Variants in GREM2 observed in about 807,000 individuals in gnomAD.
The protein encoded by GREM2 is gremlin-2.
Under a neutral mutation model 14.2 loss-of-function variants are expected in GREM2, and 11 were observed. The observed-to-expected ratio is 0.78, with a 90% CI of 0.49 to 1.28. The LOEUF is 1.28. Among genes scored for constraint, GREM2 ranks in the 50% most tolerant of loss-of-function variants. The pLI is 0.00. For missense variants in GREM2, 210 were observed against 218.5 expected (o/e 0.96, Z 0.24); for synonymous variants, 98 against 97.6 (o/e 1.00, Z -0.02).
chr1:240,546,476 G>A (rs892105953), intron 1 of GREM2, among the ~76,000 whole-genome samples: 4 of 152,188 alleles, frequency 2.6e-5, no homozygotes, highest in African/African-American at 9.7e-5. Context: ...ACATGGGCAT[G>A]TCACTACAAG....
At chr1:240,611,760 T>G (rs1680141148) in intron 1 of GREM2, 124 bp downstream of exon 1, 1 of 152,566 alleles carries the variant, frequency 6.6e-6, no homozygotes, top group South Asian at 2.1e-4. Flanking sequence ...CGGCGAGACG[T>G]CCACTCAGGG....
chr1:240,589,872 G>C (rs1679672617), intron 1 of GREM2, among the ~76,000 whole-genome samples: 1 of 152,192 alleles, frequency 6.6e-6, no homozygotes. Flanking sequence ...GGAACAGGTG[G>C]CCTTTAAGCT....
chr1:240,608,295 G>A (rs373988846), intron 1 of GREM2, among the ~76,000 whole-genome samples: 16 of 152,322 alleles, frequency 1.1e-4, no homozygotes, highest in Admixed American at 2.6e-4. Context: ...AGTAAAGATC[G>A]TTTGAAATGC....
At position 240,543,719 on chromosome 1, in the gene GREM2, A is replaced by G. The variant is rs971225454; in HGVS notation, c.-1-50243T>C. On this transcript the variant is annotated intron_variant, in intron 1 of 1. Transcript: ENST00000318160. The surrounding 1 kb of genome is among the most constrained non-coding windows in gnomAD (Gnocchi z 6.4). ...AATATATCATCAAGGGCAACTTACT[A>G]TATTAAACCTACCTTGACATTGATC... Among the ~76,000 whole-genome samples, 1 of 152,358 alleles carries G rather than the reference A, an allele frequency of 6.6e-6. No individual in the cohort carries two copies. The highest frequency in any genetic ancestry group is 1.9e-4 in the East Asian group (1 of 5,186).
At chr1:240,568,238 G>A (rs1215827941) in intron 1 of GREM2, among the ~76,000 whole-genome samples, 2 of 152,170 alleles carry the variant, frequency 1.3e-5, no homozygotes, top group African/African-American at 4.8e-5. Flanking sequence ...CTTACGTTAT[G>A]TATAGAGTTG....
chr1:240,540,902 A>G lies in GREM2; in HGVS notation c.-1-47426T>C, dbSNP rs1678573500. On this transcript the variant is annotated intron_variant, in intron 1 of 1. Transcript: ENST00000318160. This position sits in a 1 kb window ranked among gnomAD's most constrained non-coding sequence, Gnocchi z 4.2. ...AAGAAGACAGTTACTAAGGAGAGAG[A>G]TGGCACTCATCAATCAGTTTGTCGC... is the stretch of plus-strand genomic sequence containing the variant. Among the ~76,000 whole-genome samples, 1 of 152,078 alleles carries G rather than the reference A, an allele frequency of 6.6e-6. No individual in the cohort carries two copies. Among genetic ancestry groups the G allele is most frequent in the Non-Finnish European group, 1.5e-5 (1 of 68,008 alleles).
intron 1 of GREM2, among the ~76,000 whole-genome samples, chr1:240,608,093 A>G (rs1053984231): frequency 1.3e-5 from 2 of 152,194 alleles, no homozygotes; most frequent in African/African-American, 2.4e-5. Flanking sequence ...GACTGAAGGA[A>G]TATGTTCTCA....
chr1:240,547,942 G>T (rs80061004), intron 1 of GREM2, among the ~76,000 whole-genome samples: 1 of 151,932 alleles, frequency 6.6e-6, no homozygotes, highest in Admixed American at 6.6e-5. Context: ...GAAAGAGAAA[G>T]GAAGGTAGGA....
Position 240,490,267 on chromosome 1 carries a change from A to G in GREM2, c.*2702T>C, listed in dbSNP as rs1677217537. 1 of 152,266 alleles carries G rather than the reference A, an allele frequency of 6.6e-6. No homozygotes were observed. Among genetic ancestry groups the G allele is most frequent in the African/African-American group, 2.4e-5 (1 of 41,446 alleles). The allele number at this position is 152,266 out of a possible 1,614,324, so 9.4% of individuals were successfully genotyped here. A position where few individuals can be genotyped will look rare whatever the true frequency, so the allele number is the denominator to read the frequency against. On this transcript the variant is annotated 3_prime_UTR_variant, in exon 2 of 2. Coordinates refer to ENST00000318160, the MANE Select transcript of GREM2 (RefSeq NM_022469.4). ...GCAGGGGATGTGGAAGAGGCTTGGA[A>G]GCTTCCAAAGACCAGGATTGAGGGC...
intron 1 of GREM2, among the ~76,000 whole-genome samples, chr1:240,590,296 G>A (rs1679681571): frequency 6.6e-6 from 1 of 152,152 alleles, no homozygotes; most frequent in South Asian, 2.1e-4. Flanking sequence ...TAGCTTGCCA[G>A]TTTTTGCACC....
intron 1 of GREM2, among the ~76,000 whole-genome samples, chr1:240,575,787 C>G (rs935154514): frequency 6.6e-6 from 1 of 151,808 alleles, no homozygotes; most frequent in Non-Finnish European, 1.5e-5. Context: ...TCCCAAAGTG[C>G]TGGGATTACA....
intron 1 of GREM2, among the ~76,000 whole-genome samples, chr1:240,580,788 A>G (rs977494437): frequency 2.0e-5 from 3 of 152,200 alleles, no homozygotes; most frequent in African/African-American, 7.2e-5. Context: ...GCCCAGGCTG[A>G]TCTTAAACTC....
At chr1:240,549,743 G>C (rs907095995) in intron 1 of GREM2, 2 of 152,354 alleles carry the variant, frequency 1.3e-5, no homozygotes, top group African/African-American at 2.4e-5. Flanking sequence ...GTGTCACACA[G>C]AGTTGGCAAG....
chr1:240,504,807 T>C (rs763763236), intron 1 of GREM2, among the ~76,000 whole-genome samples: 7 of 152,258 alleles, frequency 4.6e-5, no homozygotes, highest in Non-Finnish European at 1.0e-4. Flanking sequence ...TAGATTTTTT[T>C]CACGTCTAAG....
intron 1 of GREM2, among the ~76,000 whole-genome samples, chr1:240,606,437 G>A (rs1340587372): frequency 6.6e-6 from 1 of 152,152 alleles, no homozygotes; most frequent in East Asian, 1.9e-4. Flanking sequence ...CCAAAACAAT[G>A]CCATAGATTT....
intron 1 of GREM2, among the ~76,000 whole-genome samples, chr1:240,559,554 G>T (rs941621639): frequency 2.6e-5 from 4 of 151,960 alleles, no homozygotes; most frequent in African/African-American, 9.7e-5. Context: ...ATGTTGACCA[G>T]GCTGGTCTTG....
rs1677257007 is a variant in GREM2 at position 240,491,760 on chromosome 1, C to T, written c.*1209G>A. 1 of 152,588 alleles carries T rather than the reference C, an allele frequency of 6.6e-6. No individual in the cohort carries two copies. Among genetic ancestry groups the T allele is most frequent in the Non-Finnish European group, 1.5e-5 (1 of 68,036 alleles). 9.5% of individuals were successfully genotyped at this position (152,588 alleles called of 1,614,324 possible). ...ACAGGAAATATTTTTTGCCTAGTGTCATGGCAGTGAAAGTAGTATACGGTT... is the reference window on the plus strand; with the variant it reads ...ACAGGAAATATTTTTTGCCTAGTGTTATGGCAGTGAAAGTAGTATACGGTT... On this transcript the variant is annotated 3_prime_UTR_variant, in exon 2 of 2. Transcript: ENST00000318160.
chr1:240,566,856 C>T (rs368227395), intron 1 of GREM2, among the ~76,000 whole-genome samples: 3 of 152,088 alleles, frequency 2.0e-5, no homozygotes, highest in Admixed American at 1.3e-4. Context: ...CAAAACAAAA[C>T]AAAAACCCAG....
intron 1 of GREM2, among the ~76,000 whole-genome samples, chr1:240,520,082 AAAAAT>A (rs200273633): frequency 5.4e-4 from 78 of 144,334 alleles, no homozygotes; most frequent in African/African-American, 1.1e-3. Flanking sequence ...CTCCATCCCA[AAAAAT>A]AAAATAAAAT....
Sources: allele counts gnomAD v4.1 joint callset (sites outside exome capture counted in the v4.1 genomes callset), GRCh38; gene constraint gnomAD v4.1.1; non-coding constraint Gnocchi (gnomAD v3.1); transcripts MANE v1.5; gene names NCBI Gene and HGNC (gene_info 2026-07-23, HGNC 2026-07-21).